The following DTNBP1 variants were observed in gnomAD, a reference collection of about 807,000 sequenced individuals.
DTNBP1 encodes the protein dystrobrevin binding protein 1.
Under a neutral mutation model 42.8 loss-of-function variants are expected in DTNBP1, and 35 were observed. The ratio of observed to expected loss-of-function variants is 0.82; its 90% CI spans 0.63 to 1.09. The LOEUF is 1.09. Among genes scored for constraint, DTNBP1 ranks in the 50% least tolerant of loss-of-function variants. DTNBP1 has a pLI of 0.00. For synonymous variants in DTNBP1, 171 were observed against 162.2 expected (o/e 1.05, Z -0.41); for missense variants, 457 against 424.2 (o/e 1.08, Z -0.68).
chr6:15,601,162 G>T (rs1581379837), intron 6 of DTNBP1, among the ~76,000 whole-genome samples: 1 of 152,184 alleles, frequency 6.6e-6, no homozygotes, highest in African/African-American at 2.4e-5. Flanking sequence ...AGATTGATTT[G>T]TCAAGGACCT....
chr6:15,527,850 T>C (rs1772515487), intron 8 of DTNBP1, among the ~76,000 whole-genome samples: 1 of 152,178 alleles, frequency 6.6e-6, no homozygotes. Flanking sequence ...TATGCTGACA[T>C]ATCTGACAAC....
chr6:15,643,294 G>C (rs1021959130), intron 3 of DTNBP1, among the ~76,000 whole-genome samples: 1 of 152,104 alleles, frequency 6.6e-6, no homozygotes, highest in Non-Finnish European at 1.5e-5. Context: ...AGAAATATGG[G>C]ATTATGTAAA....
intron 7 of DTNBP1, among the ~76,000 whole-genome samples, chr6:15,540,414 A>G (rs1200337718): frequency 1.3e-5 from 2 of 152,242 alleles, no homozygotes; most frequent in Non-Finnish European, 2.9e-5. Context: ...GAAATCATCA[A>G]AGGGGTTTTA....
At chr6:15,541,883 A>C (rs1271299291) in intron 7 of DTNBP1, among the ~76,000 whole-genome samples, 1 of 152,196 alleles carries the variant, frequency 6.6e-6, no homozygotes, top group Non-Finnish European at 1.5e-5. Flanking sequence ...ATAGGTAATA[A>C]ATATAGTGAG....
chr6:15,594,755 G>A (rs1776437475), intron 6 of DTNBP1, among the ~76,000 whole-genome samples: 1 of 151,098 alleles, frequency 6.6e-6, no homozygotes, highest in African/African-American at 2.5e-5. Flanking sequence ...ATATTCTAAT[G>A]AGTAATTCTT....
chr6:15,628,398 C>CTTTTTTTT (rs70996561), intron 4 of DTNBP1, among the ~76,000 whole-genome samples: 6 of 77,056 alleles, frequency 7.8e-5, no homozygotes, highest in Admixed American at 1.8e-4. Flanking sequence ...GATTAAGGTT[C>CTTTTTTTT]TTTTTTTTTT....
intron 7 of DTNBP1, among the ~76,000 whole-genome samples, chr6:15,571,867 C>T (rs1313026418): frequency 1.3e-5 from 2 of 152,154 alleles, no homozygotes; most frequent in Non-Finnish European, 2.9e-5. Flanking sequence ...CATCCTAACA[C>T]TAAATATCTT....
At chr6:15,530,434 A>G (rs1772741109) in intron 8 of DTNBP1, among the ~76,000 whole-genome samples, 1 of 152,208 alleles carries the variant, frequency 6.6e-6, no homozygotes, top group Non-Finnish European at 1.5e-5. Flanking sequence ...TGAGCCCAGC[A>G]TTTTCTTGAA....
intron 7 of DTNBP1, among the ~76,000 whole-genome samples, chr6:15,547,602 G>C (rs892366493): frequency 3.9e-5 from 6 of 152,212 alleles, no homozygotes; most frequent in African/African-American, 1.4e-4. Context: ...AAGAGCTCCA[G>C]CAGCAACCAA....
At chr6:15,551,482 G>A in intron 7 of DTNBP1, among the ~76,000 whole-genome samples, 1 of 152,136 alleles carries the variant, frequency 6.6e-6, no homozygotes, top group East Asian at 1.9e-4. Flanking sequence ...ACACCTGATG[G>A]TTCTCCAAAG....
chr6:15,522,813 G>C lies in DTNBP1; in HGVS notation c.*162C>G. On this transcript the variant is annotated 3_prime_UTR_variant, in exon 10 of 10. Coordinates refer to ENST00000344537, the MANE Select transcript of DTNBP1 (RefSeq NM_032122.5). ...TAGCTCTGTGCGCTCTCAGTTTACC[G>C]TCCTCACACTTTATTGTTAGCTGTT... 1 of 1,264,544 alleles carries C rather than the reference G, an allele frequency of 7.9e-7. No homozygotes were observed. The allele number at this position is 1,264,544 out of a possible 1,614,324, so 78.3% of individuals were successfully genotyped here. A position where few individuals can be genotyped will look rare whatever the true frequency, so the allele number is the denominator to read the frequency against.
intron 3 of DTNBP1, among the ~76,000 whole-genome samples, chr6:15,639,963 C>T (rs1215582183): frequency 2.6e-5 from 4 of 152,262 alleles, no homozygotes; most frequent in African/African-American, 9.6e-5. Flanking sequence ...ATTATGTATG[C>T]TTTTCACATC....
intron 8 of DTNBP1, among the ~76,000 whole-genome samples, chr6:15,525,510 A>G (rs1772321907): frequency 6.6e-6 from 1 of 152,252 alleles, no homozygotes. Flanking sequence ...GGGCAGCAGA[A>G]ACAAACATCA....
In DTNBP1 at chr6:15,522,869, A is replaced by G; in HGVS notation, c.*106T>C. On this transcript the variant is annotated 3_prime_UTR_variant, in exon 10 of 10. Coordinates refer to ENST00000344537, the MANE Select transcript of DTNBP1 (RefSeq NM_032122.5). ...AGTTTCTCACACATTATTGGCAATTATGTAAAAATCAAGAACCTCTATAAA... is the reference window on the plus strand; with the variant it reads ...AGTTTCTCACACATTATTGGCAATTGTGTAAAAATCAAGAACCTCTATAAA... 1 of 1,581,362 alleles carries G rather than the reference A, an allele frequency of 6.3e-7. No individual in the cohort carries two copies. The highest frequency in any genetic ancestry group is 8.7e-7 in the Non-Finnish European group (1 of 1,154,652).
chr6:15,612,981 C>T (rs560471194), intron 6 of DTNBP1, among the ~76,000 whole-genome samples: 14 of 152,080 alleles, frequency 9.2e-5, no homozygotes, highest in African/African-American at 3.1e-4. Flanking sequence ...CTGGAAATGC[C>T]CTGGGTCACA....
chr6:15,619,162 T>C (rs575101550), intron 5 of DTNBP1, among the ~76,000 whole-genome samples: 86 of 152,238 alleles, frequency 5.6e-4, no homozygotes, highest in African/African-American at 2.0e-3. Context: ...TATAGCACTG[T>C]AGGGAGAGTA....
At chr6:15,608,280 A>C (rs540945018) in intron 6 of DTNBP1, among the ~76,000 whole-genome samples, 2 of 151,886 alleles carry the variant, frequency 1.3e-5, no homozygotes, top group East Asian at 1.9e-4. Flanking sequence ...TTAAAAAAAA[A>C]CACACACATT....
intron 4 of DTNBP1, among the ~76,000 whole-genome samples, chr6:15,634,207 A>G (rs1027749284): frequency 1.3e-5 from 2 of 152,092 alleles, no homozygotes; most frequent in Admixed American, 6.5e-5. Context: ...GAGGCTGCAG[A>G]TATATTCACA....
chr6:15,585,683 C>T lies in DTNBP1; in HGVS notation c.511+7376G>A, dbSNP rs976337269. 9 of 1,531,524 alleles carry T rather than the reference C, an allele frequency of 5.9e-6. No individual in the cohort carries two copies. The Admixed American group carries it at 9.8e-5, about 17-fold the overall frequency. 94.9% of individuals were successfully genotyped at this position (1,531,524 alleles called of 1,614,324 possible). On this transcript the variant is annotated intron_variant, in intron 7 of 9. Transcript: ENST00000344537. ...TGGAAATAAACATTTCAAAGGAAAG[C>T]AGCAAAGGAAAAACAGAAAATAAAG...
Sources: gnomAD v4.1 joint callset for allele counts (sites outside exome capture counted in the v4.1 genomes callset) on GRCh38, gnomAD v4.1.1 for gene constraint, MANE v1.5 for transcripts, NCBI Gene and HGNC (gene_info 2026-07-23, HGNC 2026-07-21) for gene names.